The following CDC123 variants were observed in gnomAD, a reference collection of about 807,000 sequenced individuals.
CDC123 encodes the protein cell division cycle 123, also known as translation initiation factor eIF2 assembly protein.
CDC123 carries 37 observed loss-of-function variants against 54.4 expected under a neutral mutation model. That is an observed-to-expected ratio of 0.68 (90% confidence interval 0.52 to 0.89). CDC123 has a LOEUF of 0.89. Among genes scored for constraint, CDC123 ranks in the 40% least tolerant of loss-of-function variants. CDC123 has a pLI of 0.00. For synonymous variants in CDC123, 144 were observed against 136.8 expected, an observed-to-expected ratio of 1.05 and a Z score of -0.37; for missense variants, 361 against 412.1, an observed-to-expected ratio of 0.88 and a Z score of 1.07.
intron 8 of CDC123, among the ~76,000 whole-genome samples, chr10:12,236,078 A>G (rs1309459906): frequency 6.6e-6 from 1 of 152,262 alleles, no homozygotes; most frequent in Non-Finnish European, 1.5e-5. Flanking sequence ...CAAGAAAAAT[A>G]GACTGCTTCT....
intron 7 of CDC123, 66 bp downstream of exon 7, chr10:12,231,062 A>G: frequency 7.2e-7 from 1 of 1,394,556 alleles, no homozygotes; most frequent in Non-Finnish European, 9.9e-7. Context: ...TTTATTCTTA[A>G]GTGAAATGAA....
intron 9 of CDC123, 90 bp downstream of exon 9, chr10:12,237,356 G>A (rs1287839176): frequency 9.5e-7 from 1 of 1,049,792 alleles, no homozygotes; most frequent in South Asian, 3.0e-5. Context: ...CTAATAACTA[G>A]ATTTGAAATA....
At chr10:12,214,912 G>C (rs1329406885) in intron 4 of CDC123, among the ~76,000 whole-genome samples, 1 of 152,078 alleles carries the variant, frequency 6.6e-6, no homozygotes, top group Non-Finnish European at 1.5e-5. Context: ...ACTGCGTGGA[G>C]AATCTGTTAA....
intron 10 of CDC123, among the ~76,000 whole-genome samples, chr10:12,243,690 A>C (rs1836090112): frequency 6.6e-6 from 1 of 152,030 alleles, no homozygotes; most frequent in African/African-American, 2.4e-5. Flanking sequence ...AGGCTGAGGC[A>C]GGAGAATCAC....
In CDC123 at chr10:12,218,040, G is replaced by T. The variant is rs185899242; in HGVS notation, c.440+573G>T. ...GGAGGCGGAGTTTGTAGTGAGCCGA[G>T]ATTGCGTGCCACTGCACTGTAGCCT... On this transcript the variant is annotated intron_variant, in intron 6 of 12. Coordinates refer to ENST00000281141, the MANE Select transcript of CDC123 (RefSeq NM_006023.3). Among the ~76,000 whole-genome samples, 104 of 152,240 alleles carry T rather than the reference G, an allele frequency of 6.8e-4. 1 individual carries two copies. The highest frequency in any genetic ancestry group is 2.3e-3 in the African/African-American group (95 of 41,550).
At chr10:12,201,175 C>G (rs1835434804) in intron 2 of CDC123, among the ~76,000 whole-genome samples, 1 of 152,200 alleles carries the variant, frequency 6.6e-6, no homozygotes, top group Non-Finnish European at 1.5e-5. Context: ...CAGTATAGAA[C>G]TTACTTTGTA....
chr10:12,203,019 A>T (rs986038132), intron 2 of CDC123, among the ~76,000 whole-genome samples: 1 of 152,224 alleles, frequency 6.6e-6, no homozygotes, highest in Non-Finnish European at 1.5e-5. Flanking sequence ...CGTCTCAAAA[A>T]ACCAAACAAA....
chr10:12,217,819 G>T (rs1040330836), intron 6 of CDC123, among the ~76,000 whole-genome samples: 2 of 152,340 alleles, frequency 1.3e-5, no homozygotes, highest in South Asian at 2.1e-4. Flanking sequence ...GGGCGCGGTG[G>T]CTCACGCCTG....
intron 6 of CDC123, among the ~76,000 whole-genome samples, chr10:12,224,570 T>A (rs1835779673): frequency 6.6e-6 from 1 of 152,218 alleles, no homozygotes; most frequent in Non-Finnish European, 1.5e-5. Flanking sequence ...TTTTCATAGC[T>A]TGCTAGAGGG....
At chr10:12,240,274 G>T (rs1017926667) in intron 10 of CDC123, among the ~76,000 whole-genome samples, 1 of 152,132 alleles carries the variant, frequency 6.6e-6, no homozygotes, top group African/African-American at 2.4e-5. Context: ...ATGCTGTTTG[G>T]TGCTGAGTGC....
rs765352004 is a variant in CDC123 at position 12,210,283 on chromosome 10, C to T, written c.205-7C>T. ...AATGTTTTATTTTTTTCCTCTTTTT[C>T]ATGCAGTGGTCTGATGATGAGAACA... On this transcript the variant is annotated splice_polypyrimidine_tract_variant and splice_region_variant and intron_variant, in intron 3 of 12. Transcript: ENST00000281141. The T allele has an allele frequency of 6.2e-7, 1 of 1,613,514 alleles. No homozygotes were observed. The highest frequency in any genetic ancestry group is 1.3e-5 in the African/African-American group (1 of 74,810).
chr10:12,235,113 CA>C lies in CDC123; in HGVS notation c.557del (p.Lys186SerfsTer41). ...AEFRCFVKEN[K>X]LIGISQRDYT... ...AGTTTCGATGTTTTGTCAAGGAAAA[CA>C]AGCTTATTGGTGAGTTTTTGTTTGT... On this transcript the variant is annotated frameshift_variant, in exon 8 of 13. Transcript: ENST00000281141. LOFTEE classifies it high-confidence loss of function. The C allele has an allele frequency of 6.2e-7, 1 of 1,612,944 alleles. No individual in the cohort carries two copies. The highest frequency in any genetic ancestry group is 8.5e-7 in the Non-Finnish European group (1 of 1,179,130).
At chr10:12,242,895 T>G (rs1836078421) in intron 10 of CDC123, among the ~76,000 whole-genome samples, 1 of 151,606 alleles carries the variant, frequency 6.6e-6, no homozygotes, top group African/African-American at 2.4e-5. Flanking sequence ...TGAGCTGAGA[T>G]CGCGCGACTG....
At chr10:12,217,917 G>A (rs1331614387) in intron 6 of CDC123, among the ~76,000 whole-genome samples, 2 of 151,934 alleles carry the variant, frequency 1.3e-5, no homozygotes, top group African/African-American at 2.4e-5. Context: ...GTGAATCCCC[G>A]TCTCTACTAA....
At chr10:12,234,689 A>C (rs1356949991) in intron 7 of CDC123, among the ~76,000 whole-genome samples, 1 of 150,678 alleles carries the variant, frequency 6.6e-6, no homozygotes, top group East Asian at 1.9e-4. Flanking sequence ...TTTTAGCACA[A>C]TTTTCCTGTG....
At chr10:12,228,826 T>G (rs928288449) in intron 6 of CDC123, among the ~76,000 whole-genome samples, 2 of 152,234 alleles carry the variant, frequency 1.3e-5, no homozygotes, top group African/African-American at 2.4e-5. Context: ...CGCCTCGGCC[T>G]CCCAAAGTGC....
Position 12,235,094 on chromosome 10 carries a change from G to A in CDC123, c.536G>A (p.Arg179Gln), listed in dbSNP as rs1199885801. The A allele has an allele frequency of 2.5e-6, 4 of 1,613,700 alleles. No individual in the cohort carries two copies. Among genetic ancestry groups the A allele is most frequent in the Non-Finnish European group, 2.5e-6 (3 of 1,179,852 alleles). The stretch of plus-strand genomic sequence containing the variant: ...GAATTGATTCCTGGGGCTGAGTTTC[G>A]ATGTTTTGTCAAGGAAAACAAGCTT... The part of the protein sequence containing the change: ...WCELIPGAEF[R>Q]CFVKENKLIG... The change falls in exon 8 of 13, where the codon CGA becomes CAA. Residue 179 changes from arginine (R) to glutamine (Q), a missense_variant. By Grantham distance (43) the Arg-to-Gln change is conservative (BLOSUM62 1). Transcript: ENST00000281141.
chr10:12,239,710 T>TAA (rs34401171), intron 10 of CDC123, among the ~76,000 whole-genome samples: 1 of 145,090 alleles, frequency 6.9e-6, no homozygotes, highest in African/African-American at 2.6e-5. Flanking sequence ...CTCTGTTTTT[T>TAA]AAAAAAAAAA....
Position 12,237,253 on chromosome 10 carries a change from C to T in CDC123, c.675C>T (p.Phe225=). The T allele has an allele frequency of 6.4e-7, 1 of 1,556,406 alleles. No individual in the cohort carries two copies. Among genetic ancestry groups the T allele is most frequent in the South Asian group, 1.3e-5 (1 of 79,048 alleles). Residue 225 remains phenylalanine (F), a synonymous_variant, in exon 9 of 13, where the codon TTC becomes TTT. Coordinates refer to ENST00000281141, the MANE Select transcript of CDC123 (RefSeq NM_006023.3). ...TCAAGAAACACATACAGTACAAATT[C>T]TTAGATGAAGACTGTGAGTATTTTT... The part of the protein sequence containing the change: ...DFFKKHIQYK[F]LDEDFVFDIY...
Sources: allele counts gnomAD v4.1 joint callset (sites outside exome capture counted in the v4.1 genomes callset), GRCh38; gene constraint gnomAD v4.1.1; transcripts MANE v1.5; gene names NCBI Gene and HGNC (gene_info 2026-07-23, HGNC 2026-07-21).